BBX: variants seen among roughly 807,000 people sequenced by gnomAD.
BBX encodes BBX high mobility group box domain containing.
In BBX, 30 loss-of-function variants were observed where a neutral mutation model predicts 100.2. That is an observed-to-expected ratio of 0.30 (90% CI 0.22 to 0.41). BBX has a LOEUF of 0.41. BBX is among the 10% of genes least tolerant of loss of function. The pLI is 1.00. For synonymous variants in BBX, 376 were observed against 388.1 expected, an observed-to-expected ratio of 0.97 and a Z score of 0.37; for missense variants, 1,023 against 1,129.8, an observed-to-expected ratio of 0.91 and a Z score of 1.35.
At chr3:107,647,058 T>C (rs2057561127) in intron 3 of BBX, among the ~76,000 whole-genome samples, 2 of 152,206 alleles carry the variant, frequency 1.3e-5, no homozygotes, top group South Asian at 4.1e-4. Context: ...ATTGTTTTTC[T>C]TCTTCACTGT....
Position 107,773,884 on chromosome 3 carries a change from T to C in BBX, c.1915+248T>C, listed in dbSNP as rs529069332. 7.2e-5 allele frequency among the ~76,000 whole-genome samples: 11 copies of C among 152,366 alleles called. No homozygotes were observed. In the South Asian group the frequency reaches 2.3e-3, roughly 32 times the overall value. Reference sequence around the variant, plus strand: ...ATGTAATTAAAGTAATTTTAATCTCTTCTTTCCCCCCACTGGTATGGGCTG... The same window carrying C: ...ATGTAATTAAAGTAATTTTAATCTCCTCTTTCCCCCCACTGGTATGGGCTG... On this transcript the variant is annotated intron_variant, in intron 11 of 17. Transcript: ENST00000325805. The surrounding 1 kb of genome is among the most constrained non-coding windows in gnomAD (Gnocchi z 4.1).
chr3:107,772,488 G>T, intron 10 of BBX, 140 bp from the exon 11 acceptor site: 1 of 872,248 alleles, frequency 1.1e-6, no homozygotes, highest in Non-Finnish European at 1.7e-6. Context: ...CAGTTAGTTT[G>T]GCAGAAGTGG....
chr3:107,629,491 C>A (rs1356652235), intron 2 of BBX, among the ~76,000 whole-genome samples: 1 of 152,124 alleles, frequency 6.6e-6, no homozygotes, highest in Non-Finnish European at 1.5e-5. Context: ...AACTGGGCAG[C>A]CTCACAGAGG....
intron 3 of BBX, among the ~76,000 whole-genome samples, chr3:107,704,849 A>G (rs968886740): frequency 4.6e-5 from 7 of 152,202 alleles, no homozygotes; most frequent in African/African-American, 1.7e-4. Context: ...AGTACAATCA[A>G]AGCTCATAGC....
chr3:107,545,231 G>C (rs1393259618), intron 2 of BBX, among the ~76,000 whole-genome samples: 2 of 152,108 alleles, frequency 1.3e-5, no homozygotes, highest in African/African-American at 4.8e-5. Context: ...TTCTTTATTA[G>C]ATGGGTACAG....
At chr3:107,648,932 G>A (rs1434895940) in intron 3 of BBX, among the ~76,000 whole-genome samples, 1 of 152,164 alleles carries the variant, frequency 6.6e-6, no homozygotes, top group Non-Finnish European at 1.5e-5. Flanking sequence ...TTAGACATCT[G>A]TATTAGTCTG....
rs118029614 is a variant in BBX, at chr3:107,623,412, G to A, written c.-83-22424G>A. Among the ~76,000 whole-genome samples the A allele has an allele frequency of 2.0e-5, 3 of 152,216 alleles. No homozygotes were observed. The East Asian group carries it at 5.8e-4, about 29-fold the overall frequency. On this transcript the variant is annotated intron_variant, in intron 2 of 17. Coordinates refer to ENST00000325805, the MANE Select transcript of BBX (RefSeq NM_001142568.3). ...CAGCATGTGAAAGAATAGAGAAAATGGTACTTCAAATTTTGTTGTTCTTCC... is the reference window on the plus strand; with the variant it reads ...CAGCATGTGAAAGAATAGAGAAAATAGTACTTCAAATTTTGTTGTTCTTCC...
intron 2 of BBX, among the ~76,000 whole-genome samples, chr3:107,577,337 G>A (rs1317330700): frequency 6.6e-6 from 1 of 152,076 alleles, no homozygotes; most frequent in Non-Finnish European, 1.5e-5. Flanking sequence ...GATTCACCCA[G>A]CTAAGAAGTA....
chr3:107,801,959 T>A (rs971762398), intron 17 of BBX, among the ~76,000 whole-genome samples: 1 of 152,224 alleles, frequency 6.6e-6, no homozygotes, highest in Non-Finnish European at 1.5e-5. Flanking sequence ...CGCCAAAGAA[T>A]TACGAAGTTG....
chr3:107,649,522 T>C (rs2057713601), intron 3 of BBX, among the ~76,000 whole-genome samples: 1 of 152,004 alleles, frequency 6.6e-6, no homozygotes, highest in South Asian at 2.1e-4. Flanking sequence ...CTGAAAAGAG[T>C]CCCTGGCACA....
At chr3:107,720,980 A>G (rs1422602184) in intron 5 of BBX, among the ~76,000 whole-genome samples, 1 of 152,080 alleles carries the variant, frequency 6.6e-6, no homozygotes, top group African/African-American at 2.4e-5. Flanking sequence ...CTTAACAAAT[A>G]GTATAATTTG....
At chr3:107,722,054 A>G (rs2062578471) in intron 5 of BBX, among the ~76,000 whole-genome samples, 1 of 152,034 alleles carries the variant, frequency 6.6e-6, no homozygotes, top group Non-Finnish European at 1.5e-5. Flanking sequence ...ACAAAAATGA[A>G]CAAAACTAAA....
At chr3:107,763,113 A>C in intron 10 of BBX, among the ~76,000 whole-genome samples, 4 of 152,196 alleles carry the variant, frequency 2.6e-5, no homozygotes, top group Non-Finnish European at 5.9e-5. Context: ...AAGTATTTCA[A>C]AATTCTAAAA....
At chr3:107,526,074 G>A (rs1017008035) in intron 1 of BBX, among the ~76,000 whole-genome samples, 3 of 152,292 alleles carry the variant, frequency 2.0e-5, no homozygotes, top group Admixed American at 2.0e-4. Context: ...AGTAGGAAGC[G>A]AGGGTACGGG....
intron 3 of BBX, among the ~76,000 whole-genome samples, chr3:107,684,349 A>G (rs1193878628): frequency 1.3e-5 from 2 of 152,140 alleles, no homozygotes; most frequent in South Asian, 2.1e-4. Flanking sequence ...AACTTAAACT[A>G]TGTTTCAGTT....
At chr3:107,652,510 C>T (rs1233171892) in intron 3 of BBX, among the ~76,000 whole-genome samples, 1 of 152,162 alleles carries the variant, frequency 6.6e-6, no homozygotes, top group Non-Finnish European at 1.5e-5. Flanking sequence ...TATGAAATGA[C>T]TCAAACTCAA....
intron 2 of BBX, among the ~76,000 whole-genome samples, chr3:107,642,933 T>C (rs1487293044): frequency 6.6e-6 from 1 of 152,176 alleles, no homozygotes; most frequent in Admixed American, 6.5e-5. Flanking sequence ...ACCCAGAGAA[T>C]TGATGAAAAC....
At chr3:107,713,189 A>G (rs1320314611) in intron 4 of BBX, among the ~76,000 whole-genome samples, 2 of 151,650 alleles carry the variant, frequency 1.3e-5, no homozygotes, top group Middle Eastern at 3.4e-3. Flanking sequence ...GTTACCAGCC[A>G]CTCTTGTTTC....
At chr3:107,717,017 C>T (rs1323422582) in intron 5 of BBX, among the ~76,000 whole-genome samples, 168 bp downstream of exon 5, 2 of 152,076 alleles carry the variant, frequency 1.3e-5, no homozygotes, top group Non-Finnish European at 2.9e-5. Flanking sequence ...GTTCCTGTTC[C>T]TGTGTTCCAA....
Sources: allele counts gnomAD v4.1 joint callset (sites outside exome capture counted in the v4.1 genomes callset), GRCh38; gene constraint gnomAD v4.1.1; non-coding constraint Gnocchi (gnomAD v3.1); transcripts MANE v1.5; gene names NCBI Gene and HGNC (gene_info 2026-07-23, HGNC 2026-07-21).